Variants in DNA2 observed in about 807,000 individuals in gnomAD.
DNA2 encodes the protein DNA replication ATP-dependent helicase/nuclease DNA2.
DNA2 carries 101 observed loss-of-function variants against 119.1 expected under a neutral mutation model. The observed-to-expected ratio is 0.85, with a 90% CI of 0.72 to 1.00. The LOEUF is 1.00. DNA2 is among the 50% of genes least tolerant of loss of function. The pLI, the probability that DNA2 is intolerant of heterozygous loss-of-function variation, is 0.00. For missense variants in DNA2, 1,121 were observed against 1,255.5 expected (o/e 0.89, Z 1.62); for synonymous variants, 366 against 424.4 (o/e 0.86, Z 1.69).
intron 4 of DNA2, among the ~76,000 whole-genome samples, chr10:68,463,702 T>G (rs2052291038): frequency 6.6e-6 from 1 of 152,066 alleles, no homozygotes; most frequent in Non-Finnish European, 1.5e-5. Context: ...CTTACAATTT[T>G]TCTCACTTGC....
At chr10:68,438,459 C>T (rs1164200518) in intron 9 of DNA2, among the ~76,000 whole-genome samples, 7 of 146,512 alleles carry the variant, frequency 4.8e-5, no homozygotes, top group Admixed American at 2.8e-4. Flanking sequence ...GCAGAGGTTG[C>T]GGTGAGCCAA....
chr10:68,444,721 G>A (rs200353344), intron 8 of DNA2, among the ~76,000 whole-genome samples, 200 bp downstream of exon 8: 23 of 72,552 alleles, frequency 3.2e-4, no homozygotes, highest in East Asian at 1.8e-3. Context: ...CAAAAAGTCC[G>A]TCTCAAAAAA....
chr10:68,468,257 A>G lies in DNA2; in HGVS notation c.307T>C (p.Cys103Arg). 1 of 1,610,584 alleles carries G rather than the reference A, an allele frequency of 6.2e-7. No individual in the cohort carries two copies. Among genetic ancestry groups the G allele is most frequent in the Non-Finnish European group, 8.5e-7 (1 of 1,178,720 alleles). Residue 103 changes from cysteine (C) to arginine (R), a missense_variant, in exon 3 of 21, where the codon TGC becomes CGC. By Grantham distance (180) the Cys-to-Arg change is radical (BLOSUM62 -3). Transcript: ENST00000358410. The stretch of plus-strand genomic sequence containing the variant: ...TCTATTATCCAAGTGTCAGATGTGC[A>G]GTCTCCCTCCAAATGAATGATATCT... The part of the protein sequence containing the change: ...PGDIIHLEGD[C>R]TSDTWIIDKD...
chr10:68,445,938 C>G (rs2052033132), intron 7 of DNA2, among the ~76,000 whole-genome samples: 1 of 151,954 alleles, frequency 6.6e-6, no homozygotes, highest in Admixed American at 6.6e-5. Context: ...ACCAGCCTGG[C>G]CAACATGGCG....
At chr10:68,416,564 T>C (rs1400949964) in intron 20 of DNA2, 145 bp downstream of exon 20, 5 of 721,588 alleles carry the variant, frequency 6.9e-6, no homozygotes, top group Non-Finnish European at 1.2e-5. Context: ...TCACAGCACT[T>C]TGGGAGGCCT....
chr10:68,442,863 C>T, intron 9 of DNA2, 54 bp downstream of exon 9: 1 of 1,439,856 alleles, frequency 6.9e-7, no homozygotes, highest in Non-Finnish European at 9.4e-7. Flanking sequence ...CAAAGGCCAC[C>T]TCATTCACTA....
chr10:68,471,903 A>G lies in DNA2; in HGVS notation c.-39T>C. On this transcript the variant is annotated 5_prime_UTR_variant, in exon 1 of 21. Coordinates refer to ENST00000358410, the MANE Select transcript of DNA2 (RefSeq NM_001080449.3). The stretch of plus-strand genomic sequence containing the variant: ...ATCGCAAACTGTAGACAGAAAAGAC[A>G]GCGGAACCGGGGGTAACACAGAAAG... 30 of 1,613,884 alleles carry G rather than the reference A, an allele frequency of 1.9e-5. No homozygotes were observed. Among genetic ancestry groups the G allele is most frequent in the Non-Finnish European group, 2.5e-5 (30 of 1,179,782 alleles).
chr10:68,458,937 G>T (rs1395177929), intron 5 of DNA2, among the ~76,000 whole-genome samples, 167 bp downstream of exon 5: 4 of 152,052 alleles, frequency 2.6e-5, no homozygotes, highest in Non-Finnish European at 4.4e-5. Context: ...TATTCACTGG[G>T]TTCTTTTTTG....
rs1254354470 is a variant in DNA2, at chr10:68,436,999, ACATTT to A, written c.1646+7_1646+11del. The A allele has an allele frequency of 2.5e-6, 4 of 1,584,006 alleles. No homozygotes were observed. Among genetic ancestry groups the A allele is most frequent in the Non-Finnish European group, 3.4e-6 (4 of 1,159,550 alleles). On this transcript the variant is annotated splice_region_variant and intron_variant, in intron 10 of 20. Transcript: ENST00000358410. Reference sequence around the variant, plus strand: ...AATAAAGCTGTTATCAAAAAAAGTAACATTTCATTACCTGTCTAATAAACAAGTTA... The same window carrying A: ...AATAAAGCTGTTATCAAAAAAAGTAACATTACCTGTCTAATAAACAAGTTA...
At chr10:68,424,949 A>C in intron 14 of DNA2, 3 of 667,508 alleles carry the variant, frequency 4.5e-6, no homozygotes, top group South Asian at 3.1e-5. Context: ...AAGTCAGAAA[A>C]GAGAAAGGCA....
intron 14 of DNA2, chr10:68,424,562 G>T (rs1006219331): frequency 4.3e-5 from 37 of 865,694 alleles, no homozygotes; most frequent in Non-Finnish European, 6.7e-5. Flanking sequence ...GCATCACCAT[G>T]AAGTTCAATC....
chr10:68,421,286 C>T (rs1398863230), intron 17 of DNA2, among the ~76,000 whole-genome samples: 1 of 151,632 alleles, frequency 6.6e-6, no homozygotes, highest in Non-Finnish European at 1.5e-5. Context: ...TTTATTATAC[C>T]CTCTGTCCAT....
At chr10:68,445,764 G>T (rs1034263099) in intron 7 of DNA2, among the ~76,000 whole-genome samples, 24 of 151,958 alleles carry the variant, frequency 1.6e-4, no homozygotes, top group African/African-American at 5.8e-4. Flanking sequence ...ATAAAGTTTT[G>T]CATAATAAAA....
intron 10 of DNA2, among the ~76,000 whole-genome samples, chr10:68,434,993 C>T (rs944158612): frequency 6.6e-6 from 1 of 152,162 alleles, no homozygotes; most frequent in Non-Finnish European, 1.5e-5. Flanking sequence ...ATCCATCTGA[C>T]TGTGAAAGAG....
intron 9 of DNA2, among the ~76,000 whole-genome samples, chr10:68,442,118 T>C (rs567512582): frequency 6.6e-6 from 1 of 152,218 alleles, no homozygotes; most frequent in Admixed American, 6.5e-5. Context: ...TTTTGCCATG[T>C]TGCCCAGGCG....
chr10:68,431,415 G>C (rs2051819532), intron 13 of DNA2, among the ~76,000 whole-genome samples: 1 of 151,938 alleles, frequency 6.6e-6, no homozygotes, highest in Non-Finnish European at 1.5e-5. Context: ...CCCGAGTAAA[G>C]CTAGGATTAT....
intron 7 of DNA2, among the ~76,000 whole-genome samples, chr10:68,445,978 G>C (rs1467652941): frequency 6.6e-6 from 1 of 151,958 alleles, no homozygotes; most frequent in Admixed American, 6.6e-5. Flanking sequence ...AGTAAAACTA[G>C]CCAGGCATGG....
Position 68,419,138 on chromosome 10 carries a change from C to T in DNA2, c.2863G>A (p.Ala955Thr). ...QQLKIINDLL[A>T]RSIGMVEVNT... ...ACTTCGACCATCCCAATAGAACGTG[C>T]CAATAAATCATTGATGATCTTTAAT... Residue 955 changes from alanine (A) to threonine (T), a missense_variant, in exon 19 of 21, where the codon GCA (alanine) becomes ACA (threonine). Transcript: ENST00000358410. 1 of 1,613,150 alleles carries T rather than the reference C, an allele frequency of 6.2e-7. No homozygotes were observed. Among genetic ancestry groups the T allele is most frequent in the African/African-American group, 1.3e-5 (1 of 74,938 alleles).
At chr10:68,418,234 T>G (rs1305516878) in intron 19 of DNA2, among the ~76,000 whole-genome samples, 4 of 151,908 alleles carry the variant, frequency 2.6e-5, no homozygotes, top group Non-Finnish European at 5.9e-5. Flanking sequence ...GACAAGATGG[T>G]GAAACCCCAT....
Sources: allele counts gnomAD v4.1 joint callset (sites outside exome capture counted in the v4.1 genomes callset), GRCh38; gene constraint gnomAD v4.1.1; transcripts MANE v1.5; gene names NCBI Gene and HGNC (gene_info 2026-07-23, HGNC 2026-07-21).